Variants in FMN2 observed in about 807,000 individuals in gnomAD.
FMN2 encodes the protein formin-2.
FMN2 carries 51 observed loss-of-function variants against 142.3 expected under a neutral mutation model. The observed-to-expected ratio is 0.36, with a 90% CI of 0.29 to 0.45. FMN2 has a LOEUF of 0.45. FMN2 is among the 20% of genes least tolerant of loss of function. The pLI, the probability that FMN2 is intolerant of heterozygous loss-of-function variation, is 1.00. For synonymous variants in FMN2, 882 were observed against 869.8 expected (o/e 1.01, Z -0.25); for missense variants, 1,936 against 2,122.8 (o/e 0.91, Z 1.73).
Position 240,425,204 on chromosome 1 carries a change from T to TGAGAGAGAGAGAGAGAGAGAGA in FMN2, c.4911-12847_4911-12826dup, listed in dbSNP as rs142399934. ...TCACTAAGCAAGGATTTGAATGAGG[T>TGAGAGAGAGAGAGAGAGAGAGA]GAGAGAGAGAGAGAGAGAGAGAGAG... is the stretch of plus-strand genomic sequence containing the variant. On this transcript the variant is annotated intron_variant, in intron 15 of 17. Coordinates refer to ENST00000319653, the MANE Select transcript of FMN2 (RefSeq NM_020066.5). Among the ~76,000 whole-genome samples the TGAGAGAGAGAGAGAGAGAGAGA allele has an allele frequency of 5.8e-4, 78 of 134,936 alleles. 1 individual carries two copies. The highest frequency in any genetic ancestry group is 4.1e-3 in the Middle Eastern group (1 of 242). 88.5% of individuals were successfully genotyped at this position (134,936 alleles called of 152,430 possible). A position where few individuals can be genotyped will look rare whatever the true frequency, so the allele number is the denominator to read the frequency against.
At chr1:240,157,618 TGAAG>T (rs1664076253) in intron 2 of FMN2, among the ~76,000 whole-genome samples, 1 of 151,884 alleles carries the variant, frequency 6.6e-6, no homozygotes, top group Non-Finnish European at 1.5e-5. Flanking sequence ...AAGGAAGGAA[TGAAG>T]GAAGGAAAGA....
At chr1:240,195,730 C>T (rs965013069) in intron 4 of FMN2, among the ~76,000 whole-genome samples, 4 of 152,158 alleles carry the variant, frequency 2.6e-5, no homozygotes, top group African/African-American at 9.7e-5. Flanking sequence ...TAAATTCTCA[C>T]AATAAGGCTG....
chr1:240,164,829 ATACT>A (rs1365197102), intron 2 of FMN2, among the ~76,000 whole-genome samples: 1 of 152,082 alleles, frequency 6.6e-6, no homozygotes, highest in Non-Finnish European at 1.5e-5. Flanking sequence ...TAGTAGTTTG[ATACT>A]TTCTTTCATT....
chr1:240,226,809 GACACACAC>G (rs35315482), intron 6 of FMN2, among the ~76,000 whole-genome samples: 23 of 149,636 alleles, frequency 1.5e-4, no homozygotes, highest in Middle Eastern at 3.5e-3. Context: ...ACACTTTAGT[GACACACAC>G]ACACACACAC....
chr1:240,254,954 G>A (rs4659950), intron 6 of FMN2, among the ~76,000 whole-genome samples: 12 of 151,970 alleles, frequency 7.9e-5, no homozygotes, highest in South Asian at 2.1e-4. Flanking sequence ...AACTCAGTGC[G>A]CGCTCCCTCT....
At chr1:240,100,694 G>A (rs781368893) in intron 1 of FMN2, among the ~76,000 whole-genome samples, 2 of 152,124 alleles carry the variant, frequency 1.3e-5, no homozygotes, top group Non-Finnish European at 2.9e-5. Flanking sequence ...AGATGTACTT[G>A]GAAGTGTTGA....
intron 4 of FMN2, among the ~76,000 whole-genome samples, chr1:240,203,132 G>T (rs1235196646): frequency 6.6e-6 from 1 of 152,226 alleles, no homozygotes; most frequent in Non-Finnish European, 1.5e-5. Context: ...TTGGGTGCTG[G>T]TTTTTTGGCT....
At chr1:240,420,277 C>A (rs1352654106) in intron 15 of FMN2, among the ~76,000 whole-genome samples, 1 of 152,048 alleles carries the variant, frequency 6.6e-6, no homozygotes, top group Non-Finnish European at 1.5e-5. Flanking sequence ...TGCTGGTGTG[C>A]CTACTTCTCT....
intron 2 of FMN2, among the ~76,000 whole-genome samples, chr1:240,123,590 A>G (rs1662381723): frequency 6.6e-6 from 1 of 152,130 alleles, no homozygotes; most frequent in Admixed American, 6.5e-5. Flanking sequence ...TGGTCACTCA[A>G]GAGTTCTCTA....
chr1:240,116,979 G>T (rs985086922), intron 1 of FMN2, among the ~76,000 whole-genome samples: 4 of 149,234 alleles, frequency 2.7e-5, no homozygotes, highest in Non-Finnish European at 6.0e-5. Flanking sequence ...TGTTCTTTCG[G>T]TTTTTTTTTT....
At chr1:240,379,796 T>G (rs1673165781) in intron 14 of FMN2, among the ~76,000 whole-genome samples, 1 of 152,040 alleles carries the variant, frequency 6.6e-6, no homozygotes, top group Non-Finnish European at 1.5e-5. Context: ...TGATAAAGGA[T>G]CAACAAAACA....
chr1:240,403,254 G>T (rs1223787271), intron 15 of FMN2, among the ~76,000 whole-genome samples: 1 of 152,186 alleles, frequency 6.6e-6, no homozygotes, highest in Non-Finnish European at 1.5e-5. Context: ...TAGGAAGTTT[G>T]TGACTTTTCC....
chr1:240,154,460 G>A (rs1663928311), intron 2 of FMN2, among the ~76,000 whole-genome samples: 1 of 152,174 alleles, frequency 6.6e-6, no homozygotes, highest in Admixed American at 6.5e-5. Context: ...ACGGTTGGCT[G>A]TGAAAGATCC....
intron 2 of FMN2, among the ~76,000 whole-genome samples, chr1:240,157,548 T>C (rs924097798): frequency 6.6e-6 from 1 of 151,544 alleles, no homozygotes; most frequent in East Asian, 1.9e-4. Context: ...TAACTTCTTT[T>C]TTAATTTAGA....
At chr1:240,225,744 A>T (rs1057463548) in intron 6 of FMN2, among the ~76,000 whole-genome samples, 4 of 152,206 alleles carry the variant, frequency 2.6e-5, no homozygotes, top group African/African-American at 9.6e-5. Flanking sequence ...TGTTAGACTT[A>T]ACAAAGAACT....
At chr1:240,237,245 G>A (rs1667742961) in intron 6 of FMN2, among the ~76,000 whole-genome samples, 1 of 152,194 alleles carries the variant, frequency 6.6e-6, no homozygotes, top group Non-Finnish European at 1.5e-5. Context: ...TTCTTGTGCG[G>A]ATAATTAACA....
chr1:240,182,335 G>A (rs548289686), intron 3 of FMN2, among the ~76,000 whole-genome samples: 1 of 152,292 alleles, frequency 6.6e-6, no homozygotes, highest in African/African-American at 2.4e-5. Context: ...CTTTGAAAAT[G>A]TGAATGGCTG....
At chr1:240,151,219 A>C (rs921582325) in intron 2 of FMN2, among the ~76,000 whole-genome samples, 1 of 152,192 alleles carries the variant, frequency 6.6e-6, no homozygotes, top group African/African-American at 2.4e-5. Flanking sequence ...GATGATAATA[A>C]TAACTGTAGC....
At chr1:240,413,120 C>CAAAAAAAAAAAAAAAAAAAA (rs35590068) in intron 15 of FMN2, among the ~76,000 whole-genome samples, 1 of 24,582 alleles carries the variant, frequency 4.1e-5, no homozygotes, top group Admixed American at 9.2e-4. Flanking sequence ...GAGACTCTGT[C>CAAAAAAAAAAAAAAAAAAAA]AAAAAAAAAA....
Sources: allele counts gnomAD v4.1 joint callset (sites outside exome capture counted in the v4.1 genomes callset), GRCh38; gene constraint gnomAD v4.1.1; transcripts MANE v1.5; gene names NCBI Gene and HGNC (gene_info 2026-07-23, HGNC 2026-07-21).